The following ADD1 variants were observed in gnomAD, a reference collection of about 807,000 sequenced individuals.
ADD1 encodes the protein alpha-adducin.
In ADD1, 24 loss-of-function variants were observed where a neutral mutation model predicts 80.5. The ratio of observed to expected loss-of-function variants is 0.30; its 90% CI spans 0.22 to 0.42. The LOEUF (loss-of-function observed/expected upper bound fraction) is 0.42. Ranked by LOEUF, ADD1 falls within the 10% of genes least tolerant of loss-of-function variation. The probability of loss-of-function intolerance (pLI) is 1.00; values close to 1 mark genes in which losing one functional copy is unlikely to be tolerated. For synonymous variants in ADD1, 373 were observed against 393.8 expected, an observed-to-expected ratio of 0.95 and a Z score of 0.63; for missense variants, 948 against 1,019.0, an observed-to-expected ratio of 0.93 and a Z score of 0.95.
At chr4:2,901,924 CTTTT>C (rs371832850) in intron 9 of ADD1, 5 of 142,080 alleles carry the variant, frequency 3.5e-5, no homozygotes, top group African/African-American at 1.3e-4. Flanking sequence ...TTTTCTCTTT[CTTTT>C]TTTTTTTGGA....
chr4:2,926,350 C>G lies in ADD1; in HGVS notation c.2047+238C>G. ...GCCGGCCTCGGGGGTCGGAACCCAC[C>G]ATGGTTGCTGGTGTCCACGTTGCCC... On this transcript the variant is annotated intron_variant, in intron 15 of 15. Transcript: ENST00000683351. The surrounding 1 kb of genome is among the most constrained non-coding windows in gnomAD (Gnocchi z 5.0). 1.4e-6 allele frequency: 1 copy of G among 702,358 alleles called. No individual in the cohort carries two copies. The highest frequency in any genetic ancestry group is 2.6e-6 in the Non-Finnish European group (1 of 386,462). 43.5% of individuals were successfully genotyped at this position (702,358 alleles called of 1,614,324 possible).
At chr4:2,873,665 T>TA (rs1487144020) in intron 1 of ADD1, among the ~76,000 whole-genome samples, 2 of 152,242 alleles carry the variant, frequency 1.3e-5, no homozygotes, top group Non-Finnish European at 2.9e-5. Flanking sequence ...TATCCTTTTT[T>TA]ACCGATGAAA....
chr4:2,901,457 C>T (rs902219441), intron 9 of ADD1: 1 of 152,126 alleles, frequency 6.6e-6, no homozygotes, highest in African/African-American at 2.4e-5. Context: ...ACATTCATTA[C>T]AAAAAGCATG....
chr4:2,881,072 C>CTT (rs752868581), intron 2 of ADD1, among the ~76,000 whole-genome samples: 8,854 of 89,242 alleles, frequency 0.099, 1,066 homozygotes, highest in African/African-American at 0.15. Flanking sequence ...GATGTATTTA[C>CTT]TTTTTTTTTT....
chr4:2,845,421 G>C (rs1036552934), intron 1 of ADD1, among the ~76,000 whole-genome samples: 3 of 152,172 alleles, frequency 2.0e-5, no homozygotes, highest in Non-Finnish European at 4.4e-5. Flanking sequence ...GAGAAAACTA[G>C]AATAGTAAAG....
chr4:2,874,960 C>T (rs1176605254), intron 1 of ADD1, among the ~76,000 whole-genome samples: 1 of 152,206 alleles, frequency 6.6e-6, no homozygotes, highest in East Asian at 1.9e-4. Flanking sequence ...GGCGTGGTGG[C>T]TCATGCCTGT....
In ADD1 at chr4:2,916,269, C is replaced by T. The variant is rs374220665; in HGVS notation, c.1948+1229C>T. On this transcript the variant is annotated intron_variant, in intron 14 of 15. Transcript: ENST00000683351. ...GGAGTGCAGTGGCACGATCTCAGCTCACTGCAATCTCCGCCTCCTGGGTTC... is the reference window on the plus strand; with the variant it reads ...GGAGTGCAGTGGCACGATCTCAGCTTACTGCAATCTCCGCCTCCTGGGTTC... Among the ~76,000 whole-genome samples, 29 of 151,640 alleles carry T rather than the reference C, an allele frequency of 1.9e-4. No homozygotes were observed. In the East Asian group the frequency reaches 5.6e-3, roughly 29 times the overall value.
At chr4:2,925,975 G>T (rs765949498) in intron 14 of ADD1, 39 bp from the exon 15 acceptor site, 2 of 1,588,308 alleles carry the variant, frequency 1.3e-6, no homozygotes, top group African/African-American at 1.3e-5. Flanking sequence ...ATGGCGTGGC[G>T]TCCACAGCTC....
intron 14 of ADD1, among the ~76,000 whole-genome samples, chr4:2,921,405 G>A (rs1245513844): frequency 6.6e-6 from 1 of 152,226 alleles, no homozygotes; most frequent in African/African-American, 2.4e-5. Flanking sequence ...TGGGATTACA[G>A]GCGTGAGCCA....
intron 1 of ADD1, among the ~76,000 whole-genome samples, chr4:2,858,381 C>CAGATGAAGAAACTGAAATAGACAG (rs1396408995): frequency 2.0e-4 from 30 of 152,182 alleles, no homozygotes; most frequent in African/African-American, 7.2e-4. Flanking sequence ...TCTCATTTTA[C>CAGATGAAGAAACTGAAATAGACAG]AGATGAAGAA....
intron 14 of ADD1, among the ~76,000 whole-genome samples, chr4:2,918,310 C>G (rs962229507): frequency 6.6e-6 from 1 of 152,142 alleles, no homozygotes; most frequent in Non-Finnish European, 1.5e-5. Flanking sequence ...CATGATTTGA[C>G]TCTTTGTCAA....
intron 1 of ADD1, among the ~76,000 whole-genome samples, chr4:2,847,889 A>G (rs1358369729): frequency 6.6e-6 from 1 of 152,182 alleles, no homozygotes. Context: ...ATATGCATCT[A>G]TCTCAGTGAG....
intron 9 of ADD1, among the ~76,000 whole-genome samples, chr4:2,903,517 C>T (rs1736536804): frequency 6.6e-6 from 1 of 152,220 alleles, no homozygotes; most frequent in Non-Finnish European, 1.5e-5. Flanking sequence ...GATCCACATC[C>T]AGGCTCTTCT....
At chr4:2,849,728 C>T (rs538409695) in intron 1 of ADD1, among the ~76,000 whole-genome samples, 1 of 152,242 alleles carries the variant, frequency 6.6e-6, no homozygotes, top group South Asian at 2.1e-4. Context: ...AAATGTTTTC[C>T]CTCATCTGCA....
intron 1 of ADD1, among the ~76,000 whole-genome samples, chr4:2,874,055 T>TA (rs971381504): frequency 8.8e-5 from 13 of 147,584 alleles, no homozygotes; most frequent in Middle Eastern, 3.4e-3. Flanking sequence ...ACCAAAGAAC[T>TA]AAAAAAAAAA....
chr4:2,918,943 C>A (rs1739542294), intron 14 of ADD1, among the ~76,000 whole-genome samples: 1 of 152,036 alleles, frequency 6.6e-6, no homozygotes, highest in Non-Finnish European at 1.5e-5. Flanking sequence ...CCTCCACCTC[C>A]TGTGTTCAAG....
At chr4:2,927,187 C>T (rs899531197) in intron 15 of ADD1, among the ~76,000 whole-genome samples, 2 of 152,242 alleles carry the variant, frequency 1.3e-5, no homozygotes, top group Non-Finnish European at 2.9e-5. Context: ...AGCCTCCGTC[C>T]TAGCATCAGC....
At chr4:2,893,777 C>T (rs1734701464) in intron 4 of ADD1, among the ~76,000 whole-genome samples, 1 of 152,024 alleles carries the variant, frequency 6.6e-6, no homozygotes, top group African/African-American at 2.4e-5. Flanking sequence ...TTTTTTCCCT[C>T]TATAAAGTCA....
At chr4:2,864,402 G>A (rs374396856) in intron 1 of ADD1, among the ~76,000 whole-genome samples, 3 of 152,158 alleles carry the variant, frequency 2.0e-5, no homozygotes, top group Non-Finnish European at 2.9e-5. Context: ...GTGACAGAGC[G>A]AGACTCCGCC....
Sources: allele counts gnomAD v4.1 joint callset (sites outside exome capture counted in the v4.1 genomes callset), GRCh38; gene constraint gnomAD v4.1.1; non-coding constraint Gnocchi (gnomAD v3.1); transcripts MANE v1.5; gene names NCBI Gene and HGNC (gene_info 2026-07-23, HGNC 2026-07-21).